RYR3: variants seen among roughly 807,000 people sequenced by gnomAD.
RYR3 encodes ryanodine receptor 3, also known as brain ryanodine receptor-calcium release channel.
In RYR3, 207 loss-of-function variants were observed where a neutral mutation model predicts 584.3. The observed-to-expected ratio is 0.35, with a 90% CI of 0.32 to 0.40. The LOEUF is 0.40. Among genes scored for constraint, RYR3 ranks in the 10% least tolerant of loss-of-function variants. RYR3 has a pLI of 1.00. For synonymous variants in RYR3, 2,416 were observed against 2,248.5 expected (o/e 1.07, Z -2.11); for missense variants, 5,616 against 6,089.2 (o/e 0.92, Z 2.59).
chr15:33,408,136 T>C (rs760047672), intron 1 of RYR3, among the ~76,000 whole-genome samples: 12 of 152,152 alleles, frequency 7.9e-5, no homozygotes, highest in Non-Finnish European at 1.3e-4. Context: ...ATGAGCATAG[T>C]ACCCAATAGA....
intron 2 of RYR3, among the ~76,000 whole-genome samples, chr15:33,499,191 C>T (rs1367487189): frequency 4.0e-5 from 6 of 151,214 alleles, no homozygotes; most frequent in African/African-American, 1.5e-4. Flanking sequence ...CTCTCTCCCT[C>T]CCCTTCCTCT....
chr15:33,572,144 C>A, intron 12 of RYR3, among the ~76,000 whole-genome samples: 1 of 152,260 alleles, frequency 6.6e-6, no homozygotes, highest in African/African-American at 2.4e-5. Flanking sequence ...ATAAGCTCAG[C>A]AACGCAGTTT....
At chr15:33,681,679 T>G (rs970508950) in intron 38 of RYR3, among the ~76,000 whole-genome samples, 5 of 152,240 alleles carry the variant, frequency 3.3e-5, no homozygotes, top group African/African-American at 1.2e-4. Context: ...TAAAAATAAG[T>G]GTACATCCTT....
intron 45 of RYR3, 26 bp from the exon 46 acceptor site, chr15:33,726,360 A>T (rs748760966): frequency 6.2e-7 from 1 of 1,612,114 alleles, no homozygotes; most frequent in South Asian, 1.1e-5. Context: ...CACTTATCTA[A>T]TGTCATTCTC....
At chr15:33,688,096 C>A (rs1183961036) in intron 38 of RYR3, among the ~76,000 whole-genome samples, 8 of 152,050 alleles carry the variant, frequency 5.3e-5, no homozygotes, top group Non-Finnish European at 8.8e-5. Flanking sequence ...TTCTGCACAG[C>A]AAAAGAAACT....
chr15:33,569,187 G>T (rs560474667), intron 12 of RYR3, among the ~76,000 whole-genome samples: 56 of 152,254 alleles, frequency 3.7e-4, no homozygotes, highest in Non-Finnish European at 7.4e-4. Context: ...TTCAGATATG[G>T]TTTCCATTTC....
intron 1 of RYR3, among the ~76,000 whole-genome samples, chr15:33,347,264 A>G (rs762172173): frequency 6.6e-6 from 1 of 152,182 alleles, no homozygotes; most frequent in Non-Finnish European, 1.5e-5. Context: ...GAGAATCCGC[A>G]TAAATGATTT....
intron 27 of RYR3, among the ~76,000 whole-genome samples, chr15:33,640,841 A>G (rs1156874382): frequency 1.3e-5 from 2 of 152,156 alleles, no homozygotes; most frequent in East Asian, 1.9e-4. Flanking sequence ...ATCTATTAGG[A>G]TGCATGTAGG....
rs572765159 is a variant in RYR3, at chr15:33,736,501, G to A, written c.7515+176G>A. Among the ~76,000 whole-genome samples, 8 of 152,236 alleles carry A rather than the reference G, an allele frequency of 5.3e-5. No individual in the cohort carries two copies. The South Asian group carries it at 6.2e-4, about 12-fold the overall frequency. Reference sequence around the variant, plus strand: ...AAAACCAAGTCCTTTCTTGAATGCCGAGGTTGAAGAAAATTGCTCCAATTT... The same window carrying A: ...AAAACCAAGTCCTTTCTTGAATGCCAAGGTTGAAGAAAATTGCTCCAATTT... On this transcript the variant is annotated intron_variant, in intron 49 of 103. Coordinates refer to ENST00000634891, the MANE Select transcript of RYR3 (RefSeq NM_001036.6).
At chr15:33,421,347 T>C (rs1169587370) in intron 1 of RYR3, among the ~76,000 whole-genome samples, 1 of 152,142 alleles carries the variant, frequency 6.6e-6, no homozygotes, top group Non-Finnish European at 1.5e-5. Flanking sequence ...GAGACAAGAC[T>C]AAAGACACAG....
At chr15:33,436,057 C>A (rs2045700129) in intron 1 of RYR3, among the ~76,000 whole-genome samples, 1 of 152,160 alleles carries the variant, frequency 6.6e-6, no homozygotes, top group Admixed American at 6.5e-5. Context: ...TTACAATCCT[C>A]TAGCTAGACA....
At chr15:33,742,605 G>A (rs73379377) in intron 52 of RYR3, among the ~76,000 whole-genome samples, 161 bp downstream of exon 52, 3,163 of 152,268 alleles carry the variant, frequency 0.021, 107 homozygotes, top group African/African-American at 0.072. Flanking sequence ...GGTTGGTGGA[G>A]GTCAAAGAAA....
At chr15:33,689,901 A>C (rs2065293965) in intron 38 of RYR3, among the ~76,000 whole-genome samples, 1 of 152,216 alleles carries the variant, frequency 6.6e-6, no homozygotes, top group South Asian at 2.1e-4. Flanking sequence ...GTCTTGAAAT[A>C]GTTTCTTGTA....
intron 16 of RYR3, among the ~76,000 whole-genome samples, chr15:33,593,803 G>A (rs2059247449): frequency 6.6e-6 from 1 of 152,210 alleles, no homozygotes; most frequent in South Asian, 2.1e-4. Flanking sequence ...AGGTCTACTT[G>A]AAACATAATT....
chr15:33,785,023 A>G (rs2074617512), intron 65 of RYR3, among the ~76,000 whole-genome samples: 1 of 152,162 alleles, frequency 6.6e-6, no homozygotes, highest in Non-Finnish European at 1.5e-5. Flanking sequence ...CTTGGAAACA[A>G]AAAGGATTAA....
chr15:33,569,787 A>G (rs1417481514), intron 12 of RYR3, among the ~76,000 whole-genome samples: 1 of 152,130 alleles, frequency 6.6e-6, no homozygotes, highest in African/African-American at 2.4e-5. Context: ...TAGCCATACT[A>G]GTAGCTATGA....
rs35491164 is a variant in RYR3 at position 33,368,338 on chromosome 15, C to CTTTTTTT, written c.51+57261_51+57267dup. 1.6e-3 allele frequency among the ~76,000 whole-genome samples: 138 copies of CTTTTTTT among 85,832 alleles called. 4 individuals are homozygous for CTTTTTTT. The highest frequency in any genetic ancestry group is 6.0e-3 in the African/African-American group (121 of 20,264). 56.3% of individuals were successfully genotyped at this position (85,832 alleles called of 152,430 possible). On this transcript the variant is annotated intron_variant, in intron 1 of 103. Coordinates refer to ENST00000634891, the MANE Select transcript of RYR3 (RefSeq NM_001036.6). ...TGTTTCTTCATTGTAGCCTTCCTGT[C>CTTTTTTT]TTTTTTTTTTTTTTTTTTTTTTTTT...
chr15:33,750,087 C>T (rs376307066), intron 56 of RYR3, 33 bp downstream of exon 56: 5 of 1,608,136 alleles, frequency 3.1e-6, no homozygotes, highest in Non-Finnish European at 4.2e-6. Flanking sequence ...CCTAAAGAAG[C>T]TGAACCGGGG....
chr15:33,509,108 T>C (rs1189439530), intron 3 of RYR3, among the ~76,000 whole-genome samples: 1 of 152,196 alleles, frequency 6.6e-6, no homozygotes, highest in Non-Finnish European at 1.5e-5. Context: ...AAAAATTTAG[T>C]GACAGGTGGC....
Sources: gnomAD v4.1 joint callset for allele counts (sites outside exome capture counted in the v4.1 genomes callset) on GRCh38, gnomAD v4.1.1 for gene constraint, MANE v1.5 for transcripts, NCBI Gene and HGNC (gene_info 2026-07-23, HGNC 2026-07-21) for gene names.